CDH12: variants seen among roughly 807,000 people sequenced by gnomAD.
CDH12 encodes the protein cadherin 12, also known as cadherin-12.
CDH12 carries 41 observed loss-of-function variants against 74.1 expected under a neutral mutation model. The ratio of observed to expected loss-of-function variants is 0.55; its 90% CI spans 0.43 to 0.72. The LOEUF (loss-of-function observed/expected upper bound fraction) is 0.72, where lower values mean the gene tolerates loss of function less well. Among genes scored for constraint, CDH12 ranks in the 30% least tolerant of loss-of-function variants. The probability of loss-of-function intolerance (pLI) is 0.00; values close to 1 mark genes in which losing one functional copy is unlikely to be tolerated. For synonymous variants in CDH12, 399 were observed against 355.0 expected, an observed-to-expected ratio of 1.12 and a Z score of -1.39; for missense variants, 945 against 977.2, an observed-to-expected ratio of 0.97 and a Z score of 0.44.
At chr5:22,138,986 T>G (rs572787053) in intron 4 of CDH12, among the ~76,000 whole-genome samples, 12 of 150,316 alleles carry the variant, frequency 8.0e-5, no homozygotes. Context: ...AGAAATCCTT[T>G]AAGACAAAAC....
intron 11 of CDH12, among the ~76,000 whole-genome samples, chr5:21,777,665 G>A (rs1163982270): frequency 6.6e-6 from 1 of 151,788 alleles, no homozygotes; most frequent in Non-Finnish European, 1.5e-5. Flanking sequence ...TAATTTTTGT[G>A]TTTTTAGTAG....
intron 3 of CDH12, among the ~76,000 whole-genome samples, chr5:22,336,221 T>C (rs1739574767): frequency 6.6e-6 from 1 of 152,188 alleles, no homozygotes; most frequent in Non-Finnish European, 1.5e-5. Context: ...GTGACTTGGG[T>C]GCTGTGAGAA....
chr5:22,744,601 A>G (rs1197473763), intron 1 of CDH12, among the ~76,000 whole-genome samples: 2 of 152,256 alleles, frequency 1.3e-5, no homozygotes, highest in East Asian at 1.9e-4. Flanking sequence ...AAATGAGGTT[A>G]TTGTATCACT....
intron 4 of CDH12, among the ~76,000 whole-genome samples, chr5:22,097,611 TAACTA>T (rs1264030359): frequency 6.6e-6 from 1 of 152,076 alleles, no homozygotes; most frequent in African/African-American, 2.4e-5. Context: ...TGAGACACTT[TAACTA>T]AATTGTCTGC....
At chr5:22,095,219 C>T (rs1743682251) in intron 4 of CDH12, among the ~76,000 whole-genome samples, 1 of 152,120 alleles carries the variant, frequency 6.6e-6, no homozygotes, top group South Asian at 2.1e-4. Context: ...GGTAAGTGGC[C>T]TCTTCTCACT....
At chr5:22,685,779 G>A (rs375482034) in intron 1 of CDH12, among the ~76,000 whole-genome samples, 5 of 151,974 alleles carry the variant, frequency 3.3e-5, no homozygotes, top group African/African-American at 7.3e-5. Flanking sequence ...AGAACACATC[G>A]TGTTTATCCA....
At chr5:21,884,358 G>A in intron 6 of CDH12, 1 of 986,128 alleles carries the variant, frequency 1.0e-6, no homozygotes, top group Non-Finnish European at 1.6e-6. Flanking sequence ...GTGACAGGAA[G>A]CCCAAGGCAG....
intron 7 of CDH12, among the ~76,000 whole-genome samples, chr5:21,848,787 G>A (rs1391070146): frequency 6.6e-6 from 1 of 151,732 alleles, no homozygotes; most frequent in Non-Finnish European, 1.5e-5. Context: ...TCTTCCAGAA[G>A]CTCTCATCCC....
intron 9 of CDH12, among the ~76,000 whole-genome samples, chr5:21,804,643 AAC>A (rs11281181): frequency 0.014 from 1,572 of 115,286 alleles, 21 homozygotes; most frequent in African/African-American, 0.031. Flanking sequence ...AGTGAATTAA[AAC>A]ACACACACAC....
chr5:21,966,539 C>G (rs1301758192), intron 6 of CDH12, among the ~76,000 whole-genome samples: 12 of 152,088 alleles, frequency 7.9e-5, no homozygotes, highest in Admixed American at 3.3e-4. Flanking sequence ...CTTTTTTGCT[C>G]AAGTTCTAGC....
At chr5:22,056,964 A>C (rs950165371) in intron 5 of CDH12, among the ~76,000 whole-genome samples, 3 of 152,138 alleles carry the variant, frequency 2.0e-5, no homozygotes, top group African/African-American at 7.2e-5. Context: ...AGAACTTTGA[A>C]TCTTTCAGAC....
chr5:22,422,245 A>C (rs1330774759), intron 2 of CDH12, among the ~76,000 whole-genome samples: 1 of 152,076 alleles, frequency 6.6e-6, no homozygotes, highest in Non-Finnish European at 1.5e-5. Context: ...GACTCTTACT[A>C]TTTTGAGGTA....
At chr5:22,732,769 A>T (rs1744496308) in intron 1 of CDH12, among the ~76,000 whole-genome samples, 1 of 151,844 alleles carries the variant, frequency 6.6e-6, no homozygotes, top group Admixed American at 6.6e-5. Flanking sequence ...AGTATGGGGC[A>T]GATTCTTCTT....
intron 4 of CDH12, among the ~76,000 whole-genome samples, chr5:22,174,486 T>A (rs1391360355): frequency 3.3e-5 from 5 of 151,988 alleles, no homozygotes; most frequent in African/African-American, 2.4e-5. Context: ...GTAATTAAGT[T>A]TTGTTTTTTA....
chr5:22,599,876 C>G (rs1736774028), intron 1 of CDH12, among the ~76,000 whole-genome samples: 1 of 152,100 alleles, frequency 6.6e-6, no homozygotes, highest in East Asian at 1.9e-4. Flanking sequence ...ACATCCTTTG[C>G]TCAAAGAAGA....
chr5:21,882,345 C>A (rs1048779431), intron 6 of CDH12, among the ~76,000 whole-genome samples: 1 of 152,098 alleles, frequency 6.6e-6, no homozygotes, highest in African/African-American at 2.4e-5. Flanking sequence ...AACAAAAAGA[C>A]GTATTTTTAT....
chr5:21,924,658 G>T (rs1754509504), intron 6 of CDH12, among the ~76,000 whole-genome samples: 1 of 152,196 alleles, frequency 6.6e-6, no homozygotes, highest in Admixed American at 6.5e-5. Flanking sequence ...CACTGTTGTT[G>T]TTAAGGTTAT....
intron 5 of CDH12, among the ~76,000 whole-genome samples, chr5:22,021,591 G>A (rs930274104): frequency 2.6e-5 from 4 of 152,082 alleles, no homozygotes; most frequent in African/African-American, 7.2e-5. Context: ...CTGAGTACTC[G>A]TACAACCATT....
At chr5:22,525,525 G>A (rs1379969293) in intron 1 of CDH12, among the ~76,000 whole-genome samples, 1 of 142,152 alleles carries the variant, frequency 7.0e-6, no homozygotes, top group Non-Finnish European at 1.5e-5. Flanking sequence ...ATGAAGGAAA[G>A]AAGGGAGGGA....
Sources: allele counts gnomAD v4.1 joint callset (sites outside exome capture counted in the v4.1 genomes callset), GRCh38; gene constraint gnomAD v4.1.1; transcripts MANE v1.5; gene names NCBI Gene and HGNC (gene_info 2026-07-23, HGNC 2026-07-21).